Variants in RUNDC3B observed in about 807,000 individuals in gnomAD.
RUNDC3B encodes RUN domain containing 3B, also known as RUN domain-containing protein 3B.
In RUNDC3B, 33 loss-of-function variants were observed where a neutral mutation model predicts 58.4. The observed-to-expected ratio is 0.56, with a 90% CI of 0.43 to 0.75. RUNDC3B has a LOEUF of 0.75. Ranked by LOEUF, RUNDC3B falls within the 30% of genes least tolerant of loss-of-function variation. RUNDC3B has a pLI of 0.00. For missense variants in RUNDC3B, 501 were observed against 535.7 expected, an observed-to-expected ratio of 0.94 and a Z score of 0.64; for synonymous variants, 193 against 195.2, an observed-to-expected ratio of 0.99 and a Z score of 0.10.
intron 1 of RUNDC3B, among the ~76,000 whole-genome samples, chr7:87,638,042 CTTA>C (rs965979814): frequency 2.6e-5 from 4 of 151,870 alleles, no homozygotes; most frequent in African/African-American, 9.7e-5. Flanking sequence ...TAAATGGATG[CTTA>C]TTATTGTATT....
intron 10 of RUNDC3B, among the ~76,000 whole-genome samples, chr7:87,824,497 C>T (rs780324167): frequency 1.1e-4 from 17 of 152,074 alleles, no homozygotes; most frequent in Non-Finnish European, 1.8e-4. Flanking sequence ...GTCTTGGGTA[C>T]GTCTTATCAG....
chr7:87,656,907 A>G (rs1301713135), intron 2 of RUNDC3B, among the ~76,000 whole-genome samples: 2 of 152,182 alleles, frequency 1.3e-5, no homozygotes, highest in Non-Finnish European at 2.9e-5. Flanking sequence ...AGTATCTACT[A>G]TATGCCTAGC....
intron 4 of RUNDC3B, among the ~76,000 whole-genome samples, chr7:87,732,042 A>G (rs968986789): frequency 1.3e-5 from 2 of 152,230 alleles, no homozygotes; most frequent in Non-Finnish European, 2.9e-5. Context: ...TTCCAAAATT[A>G]TTGAAACTAT....
intron 5 of RUNDC3B, among the ~76,000 whole-genome samples, chr7:87,740,365 T>C (rs764699526): frequency 2.0e-5 from 3 of 152,130 alleles, no homozygotes; most frequent in Non-Finnish European, 4.4e-5. Flanking sequence ...AATTTACTTT[T>C]ATTGTCAACA....
intron 8 of RUNDC3B, among the ~76,000 whole-genome samples, chr7:87,780,976 A>G (rs1834890636): frequency 6.6e-6 from 1 of 152,014 alleles, no homozygotes; most frequent in African/African-American, 2.4e-5. Flanking sequence ...TTGGTTCCAT[A>G]TTAATTTTAG....
chr7:87,739,683 A>G (rs1221149234), intron 4 of RUNDC3B, 108 bp from the exon 5 acceptor site: 1 of 442,520 alleles, frequency 2.3e-6, no homozygotes, highest in East Asian at 3.4e-5. Context: ...AATACAAATT[A>G]AATAAAATTT....
intron 2 of RUNDC3B, chr7:87,694,067 G>A: frequency 1.3e-6 from 2 of 1,527,630 alleles, no homozygotes; most frequent in Non-Finnish European, 1.7e-6. Flanking sequence ...ACATTGCATG[G>A]GTTTTGTAAA....
At chr7:87,797,794 C>T (rs1835895016) in intron 8 of RUNDC3B, among the ~76,000 whole-genome samples, 1 of 151,966 alleles carries the variant, frequency 6.6e-6, no homozygotes, top group African/African-American at 2.4e-5. Context: ...ATTTTTGTTT[C>T]TTATTTTTCC....
intron 3 of RUNDC3B, among the ~76,000 whole-genome samples, chr7:87,701,963 G>T (rs1829082496): frequency 6.6e-6 from 1 of 151,788 alleles, no homozygotes; most frequent in African/African-American, 2.4e-5. Flanking sequence ...CTAACATGGT[G>T]AAACCCCGTC....
At chr7:87,668,637 A>T (rs1488010077) in intron 2 of RUNDC3B, among the ~76,000 whole-genome samples, 1 of 152,058 alleles carries the variant, frequency 6.6e-6, no homozygotes, top group African/African-American at 2.4e-5. Context: ...CTCTCTTAAC[A>T]CTGTCTTAGC....
At chr7:87,720,576 A>G (rs1243007038) in intron 4 of RUNDC3B, among the ~76,000 whole-genome samples, 1 of 111,682 alleles carries the variant, frequency 9.0e-6, no homozygotes, top group African/African-American at 3.5e-5. Flanking sequence ...GTGTGTGTGT[A>G]TGCAATAATT....
At chr7:87,689,955 C>T (rs1214872090) in intron 2 of RUNDC3B, among the ~76,000 whole-genome samples, 1 of 151,926 alleles carries the variant, frequency 6.6e-6, no homozygotes, top group African/African-American at 2.4e-5. Context: ...TACTTTAAAT[C>T]TTTGAATGTT....
At chr7:87,714,707 G>C (rs28373093) in intron 4 of RUNDC3B, among the ~76,000 whole-genome samples, 55,838 of 151,540 alleles carry the variant, frequency 0.37, 12,260 homozygotes, top group South Asian at 0.63. Context: ...CTAAAGAGGT[G>C]TAGAAGAGCC....
intron 2 of RUNDC3B, among the ~76,000 whole-genome samples, chr7:87,662,103 GT>G (rs2130456584): frequency 6.6e-6 from 1 of 151,924 alleles, no homozygotes; most frequent in Non-Finnish European, 1.5e-5. Context: ...TTAATTATTA[GT>G]TTTTTCCTGT....
At chr7:87,666,378 G>A (rs560310377) in intron 2 of RUNDC3B, among the ~76,000 whole-genome samples, 4 of 151,588 alleles carry the variant, frequency 2.6e-5, no homozygotes, top group South Asian at 4.2e-4. Context: ...CCTTATAGAT[G>A]CTGGATATTA....
At chr7:87,820,200 G>A (rs1837336082) in intron 10 of RUNDC3B, among the ~76,000 whole-genome samples, 1 of 152,064 alleles carries the variant, frequency 6.6e-6, no homozygotes, top group South Asian at 2.1e-4. Flanking sequence ...AAATGATAAA[G>A]GGGATATCAC....
At chr7:87,756,706 T>C (rs1457076046) in intron 6 of RUNDC3B, among the ~76,000 whole-genome samples, 1 of 152,144 alleles carries the variant, frequency 6.6e-6, no homozygotes, top group Non-Finnish European at 1.5e-5. Flanking sequence ...TTGTTTTACA[T>C]TTCAATATTT....
intron 2 of RUNDC3B, among the ~76,000 whole-genome samples, chr7:87,665,499 G>A (rs1394384466): frequency 1.3e-5 from 2 of 152,052 alleles, no homozygotes; most frequent in Non-Finnish European, 2.9e-5. Flanking sequence ...ATTGTTAAAT[G>A]TCCATACTAC....
intron 4 of RUNDC3B, among the ~76,000 whole-genome samples, chr7:87,711,796 T>A (rs1402185376): frequency 2.0e-5 from 3 of 152,200 alleles, no homozygotes; most frequent in Non-Finnish European, 2.9e-5. Flanking sequence ...AGTGTTTTCC[T>A]CATCACAGAA....
Sources: allele counts gnomAD v4.1 joint callset (sites outside exome capture counted in the v4.1 genomes callset), GRCh38; gene constraint gnomAD v4.1.1; transcripts MANE v1.5; gene names NCBI Gene and HGNC (gene_info 2026-07-23, HGNC 2026-07-21).